Variants in ZYG11A observed in about 807,000 individuals in gnomAD.
ZYG11A encodes protein zyg-11 homolog A.
A neutral mutation model predicts 77.2 loss-of-function variants in ZYG11A; 62 were observed. The observed-to-expected ratio is 0.80, with a 90% CI of 0.65 to 0.99. The LOEUF is 0.99. ZYG11A is among the 50% of genes least tolerant of loss of function. The pLI, the probability that ZYG11A is intolerant of heterozygous loss-of-function variation, is 0.00. For missense variants in ZYG11A, 828 were observed against 896.8 expected, an observed-to-expected ratio of 0.92 and a Z score of 0.98; for synonymous variants, 315 against 324.6, an observed-to-expected ratio of 0.97 and a Z score of 0.32.
At chr1:52,890,238 ATT>A (rs1646521094) in intron 13 of ZYG11A, among the ~76,000 whole-genome samples, 1 of 82,446 alleles carries the variant, frequency 1.2e-5, no homozygotes, top group Non-Finnish European at 2.6e-5. Flanking sequence ...GGAGAAAAAT[ATT>A]TTCTTTTAGT....
chr1:52,867,721 T>G lies in ZYG11A; in HGVS notation c.1492-6T>G. ...AGTTCACTTGAGCCTTTCTGTTTGC[T>G]TATAGCTCTCACCTGAGCAAACGGC... On this transcript the variant is annotated splice_polypyrimidine_tract_variant and splice_region_variant and intron_variant, in intron 7 of 13. Transcript: ENST00000371528. 6.4e-7 allele frequency: 1 copy of G among 1,551,562 alleles called. No homozygotes were observed.
intron 1 of ZYG11A, among the ~76,000 whole-genome samples, chr1:52,843,876 C>CG (rs1249936467): frequency 2.0e-5 from 3 of 151,894 alleles, no homozygotes; most frequent in African/African-American, 7.2e-5. Flanking sequence ...TTAGTAGAGA[C>CG]GGGGTTTCAC....
In ZYG11A at chr1:52,885,833, C is replaced by T. The variant is rs1405349808; in HGVS notation, c.1945C>T (p.His649Tyr). ...TTTCTCTCTCTTGTTTTTGGAGTAG[C>T]ATGCAACCATACAGAATTGGCCAAG... ...FQRRTLLQDL[H>Y]ATIQNWPSSS... is the part of the protein sequence containing the mutation. The change falls in exon 12 of 14, where the codon CAT (histidine) becomes TAT (tyrosine). Residue 649 changes from histidine (H) to tyrosine (Y), a missense_variant and splice_region_variant. Transcript: ENST00000371528. 6.5e-7 allele frequency: 1 copy of T among 1,541,726 alleles called. No individual in the cohort carries two copies. Among genetic ancestry groups the T allele is most frequent in the South Asian group, 1.2e-5 (1 of 81,762 alleles).
intron 1 of ZYG11A, among the ~76,000 whole-genome samples, chr1:52,851,158 C>T (rs1383202190): frequency 6.6e-6 from 1 of 151,990 alleles, no homozygotes; most frequent in Admixed American, 6.6e-5. Flanking sequence ...AATTCTCCTG[C>T]CTCAGCTCCC....
Position 52,857,649 on chromosome 1 carries a change from T to C in ZYG11A, c.908T>C (p.Val303Ala). Residue 303 changes from valine to alanine, a missense_variant, in exon 3 of 14, where the codon GTA becomes GCA. Physicochemically the swap from Val to Ala is moderately conservative, Grantham distance 64. Coordinates refer to ENST00000371528, the MANE Select transcript of ZYG11A (RefSeq NM_001004339.3). ...GGCAATTGCATCACTGATGAAGCTG[T>C]AGAACTGTTTATACGACTGCGGCCT... is the stretch of plus-strand genomic sequence containing the variant. ...SGGNCITDEA[V>A]ELFIRLRPAM... The C allele has an allele frequency of 3.2e-6, 5 of 1,552,204 alleles. No homozygotes were observed. The highest frequency in any genetic ancestry group is 4.4e-6 in the Non-Finnish European group (5 of 1,147,094).
intron 10 of ZYG11A, chr1:52,881,237 T>G (rs571748939): frequency 3.2e-5 from 10 of 315,136 alleles, no homozygotes; most frequent in Non-Finnish European, 5.8e-5. Context: ...ACAATTTTAT[T>G]TATCTAGTAC....
intron 1 of ZYG11A, among the ~76,000 whole-genome samples, chr1:52,852,851 C>G (rs1405807917): frequency 2.0e-5 from 3 of 152,178 alleles, no homozygotes; most frequent in Non-Finnish European, 4.4e-5. Flanking sequence ...CGAGGAAAAT[C>G]ATCTAACACA....
chr1:52,887,896 G>A (rs1173774079), intron 13 of ZYG11A, among the ~76,000 whole-genome samples: 1 of 152,016 alleles, frequency 6.6e-6, no homozygotes, highest in Non-Finnish European at 1.5e-5. Flanking sequence ...ATCCTTTGTT[G>A]AGACTTGTTA....
chr1:52,843,066 T>A, intron 1 of ZYG11A, 93 bp downstream of exon 1: 1 of 1,154,940 alleles, frequency 8.7e-7, no homozygotes, highest in Non-Finnish European at 1.2e-6. Context: ...GCCGAGGCAC[T>A]TGCTGGGGAG....
intron 1 of ZYG11A, among the ~76,000 whole-genome samples, chr1:52,851,896 C>T (rs1391176528): frequency 3.4e-5 from 5 of 148,430 alleles, no homozygotes; most frequent in African/African-American, 1.2e-4. Flanking sequence ...TACAGGCACC[C>T]GCCACCATGC....
intron 1 of ZYG11A, among the ~76,000 whole-genome samples, chr1:52,851,189 A>C (rs112213522): frequency 0.023 from 3,548 of 151,716 alleles, 91 homozygotes; most frequent in Middle Eastern, 0.13. Context: ...GGACTCAGGC[A>C]CACCCTACCA....
At chr1:52,885,583 T>C (rs776440809) in intron 11 of ZYG11A, among the ~76,000 whole-genome samples, 5 of 152,244 alleles carry the variant, frequency 3.3e-5, no homozygotes, top group Non-Finnish European at 7.3e-5. Flanking sequence ...TTTGTTTTAC[T>C]TTCTGTTAAT....
In ZYG11A at chr1:52,848,685, C is replaced by T. The variant is rs918337356; in HGVS notation, c.90+5712C>T. 6.6e-5 allele frequency among the ~76,000 whole-genome samples: 10 copies of T among 152,030 alleles called. No individual in the cohort carries two copies. The South Asian group carries it at 1.9e-3, about 28-fold the overall frequency. ...TCACCTGAGGCCAGGAGTTCAAGAC[C>T]AGCCTGGAGAATCTCTACTAAATAT... On this transcript the variant is annotated intron_variant, in intron 1 of 13. Coordinates refer to ENST00000371528, the MANE Select transcript of ZYG11A (RefSeq NM_001004339.3).
chr1:52,843,108 C>T, intron 1 of ZYG11A, 135 bp downstream of exon 1: 1 of 676,908 alleles, frequency 1.5e-6, no homozygotes, highest in Non-Finnish European at 2.2e-6. Flanking sequence ...GTCTAGATGC[C>T]GAGCCCCTTC....
intron 10 of ZYG11A, 176 bp from the exon 11 acceptor site, chr1:52,881,295 T>G: frequency 2.0e-6 from 1 of 501,650 alleles, no homozygotes; most frequent in East Asian, 3.1e-5. Context: ...TTGTTAATGA[T>G]CATCCTCATC....
intron 11 of ZYG11A, 93 bp downstream of exon 11, chr1:52,881,758 A>G: frequency 9.5e-7 from 1 of 1,056,730 alleles, no homozygotes. Context: ...GATTGTAGAA[A>G]GTGGGAAAAA....
intron 8 of ZYG11A, among the ~76,000 whole-genome samples, chr1:52,877,289 A>C (rs1374377418): frequency 6.6e-6 from 1 of 152,258 alleles, no homozygotes; most frequent in African/African-American, 2.4e-5. Flanking sequence ...AGACAACCAA[A>C]ATTTAAAATT....
At chr1:52,854,061 T>C (rs1645763057) in intron 1 of ZYG11A, among the ~76,000 whole-genome samples, 1 of 152,104 alleles carries the variant, frequency 6.6e-6, no homozygotes, top group Non-Finnish European at 1.5e-5. Context: ...TTTCTTGTCA[T>C]TATGTAAACA....
intron 1 of ZYG11A, among the ~76,000 whole-genome samples, chr1:52,843,975 C>G (rs207460123): frequency 4.9e-4 from 75 of 152,096 alleles, no homozygotes; most frequent in Non-Finnish European, 1.0e-3. Context: ...CGTCAGCCAC[C>G]GTGCCCGGCC....
Sources: allele counts gnomAD v4.1 joint callset (sites outside exome capture counted in the v4.1 genomes callset), GRCh38; gene constraint gnomAD v4.1.1; transcripts MANE v1.5; gene names NCBI Gene and HGNC (gene_info 2026-07-23, HGNC 2026-07-21).